Variants in CHSY3 observed in about 807,000 individuals in gnomAD.
CHSY3 encodes N-acetylgalactosaminyl-proteoglycan 3-beta-glucuronosyltransferase 3.
In CHSY3, 35 loss-of-function variants were observed where a neutral mutation model predicts 67.2. That is an observed-to-expected ratio of 0.52 (90% CI 0.40 to 0.69). The LOEUF (loss-of-function observed/expected upper bound fraction) is 0.69. Ranked by LOEUF, CHSY3 falls within the 30% of genes least tolerant of loss-of-function variation. CHSY3 has a pLI of 0.00. For missense variants in CHSY3, 1,069 were observed against 1,138.5 expected, an observed-to-expected ratio of 0.94 and a Z score of 0.88; for synonymous variants, 474 against 434.7, an observed-to-expected ratio of 1.09 and a Z score of -1.12.
chr5:129,985,849 T>C (rs185993430), intron 2 of CHSY3, among the ~76,000 whole-genome samples: 1 of 152,282 alleles, frequency 6.6e-6, no homozygotes, highest in East Asian at 1.9e-4. Context: ...ATAGAAATGA[T>C]ACTGATTTTT....
intron 2 of CHSY3, among the ~76,000 whole-genome samples, chr5:130,088,650 T>A (rs1233522097): frequency 6.6e-6 from 1 of 151,918 alleles, no homozygotes. Flanking sequence ...ATCAAAGAAA[T>A]GCAAATCAAA....
chr5:130,172,325 C>CTT (rs148048268), intron 2 of CHSY3, among the ~76,000 whole-genome samples: 854 of 30,182 alleles, frequency 0.028, 20 homozygotes, highest in African/African-American at 0.044. Flanking sequence ...CTTTTCTTTT[C>CTT]TTTTTTTTTT....
chr5:130,184,927 CT>C lies in CHSY3; in HGVS notation c.1788del (p.Phe596LeufsTer6), dbSNP rs753299852. 2 of 1,548,910 alleles carry C rather than the reference CT, an allele frequency of 1.3e-6. No individual in the cohort carries two copies. Among genetic ancestry groups the C allele is most frequent in the Non-Finnish European group, 1.8e-6 (2 of 1,120,860 alleles). On this transcript the variant is annotated frameshift_variant, in exon 3 of 3. Transcript: ENST00000305031. LOFTEE classifies it high-confidence loss of function. ...TTAACAGTGAAACTCAGTCATTCTC[CT>C]TTATATCTAATTCTTTAAAGATATT... ...SINSETQSFSFISNSLKILSS... is the reference protein window; with the variant it reads ...SINSETQSFSXISNSLKILSS...
At chr5:130,118,339 A>G (rs1249115177) in intron 2 of CHSY3, among the ~76,000 whole-genome samples, 2 of 152,180 alleles carry the variant, frequency 1.3e-5, no homozygotes, top group Admixed American at 1.3e-4. Flanking sequence ...AAACTTAACA[A>G]AACAATCAGA....
At chr5:129,904,205 C>T (rs1042929187), upstream of CHSY3, among the ~76,000 whole-genome samples, 1 of 149,634 alleles carries the variant, frequency 6.7e-6, no homozygotes, top group African/African-American at 2.5e-5. Context: ...GAGGGGGCGT[C>T]GGCGCTGCAA....
chr5:129,980,551 C>T (rs2149621823), intron 2 of CHSY3, among the ~76,000 whole-genome samples: 1 of 152,246 alleles, frequency 6.6e-6, no homozygotes, highest in African/African-American at 2.4e-5. Flanking sequence ...CAAATATTTT[C>T]TCCCAGTATG....
At chr5:129,914,681 A>T (rs960439464) in intron 2 of CHSY3, among the ~76,000 whole-genome samples, 2 of 152,108 alleles carry the variant, frequency 1.3e-5, no homozygotes, top group Non-Finnish European at 2.9e-5. Context: ...TTTCTTCCAC[A>T]CTGTTTTCTT....
chr5:129,963,639 G>A (rs1762394585), intron 2 of CHSY3, among the ~76,000 whole-genome samples: 1 of 151,944 alleles, frequency 6.6e-6, no homozygotes, highest in Non-Finnish European at 1.5e-5. Context: ...ACAAAGCCCA[G>A]AGCTGCACTT....
At chr5:130,012,739 T>A (rs1380844183) in intron 2 of CHSY3, among the ~76,000 whole-genome samples, 3 of 152,100 alleles carry the variant, frequency 2.0e-5, no homozygotes, top group Admixed American at 2.0e-4. Context: ...ATGGGAACTG[T>A]AATTCAAGAT....
At chr5:130,154,357 T>G (rs1769314279) in intron 2 of CHSY3, among the ~76,000 whole-genome samples, 1 of 152,256 alleles carries the variant, frequency 6.6e-6, no homozygotes, top group Non-Finnish European at 1.5e-5. Flanking sequence ...CTCTGGAGTA[T>G]TAGAATGTGT....
chr5:129,905,574 C>T lies in CHSY3; in HGVS notation c.745C>T (p.His249Tyr). The change falls in exon 1 of 3, where the codon CAC (histidine) becomes TAC (tyrosine). Residue 249 changes from histidine to tyrosine, a missense_variant. By Grantham distance (83) the His-to-Tyr change is moderately conservative (BLOSUM62 2). Around this residue, in one of 5 missense-constraint regions of CHSY3, gnomAD observed 216 missense variants for 311.5 expected, o/e 0.69. Transcript: ENST00000305031. The part of the protein sequence containing the change: ...SFMMIKYMHD[H>Y]YLDKYEWFMR... Reference sequence around the variant, plus strand: ...CATGATGATCAAGTACATGCACGACCACTACCTGGACAAGTATGAGTGGTT... The same window carrying T: ...CATGATGATCAAGTACATGCACGACTACTACCTGGACAAGTATGAGTGGTT... 6.2e-7 allele frequency: 1 copy of T among 1,613,830 alleles called. No individual in the cohort carries two copies. Among genetic ancestry groups the T allele is most frequent in the Non-Finnish European group, 8.5e-7 (1 of 1,180,030 alleles).
intron 2 of CHSY3, among the ~76,000 whole-genome samples, chr5:130,057,099 T>C (rs966197064): frequency 9.9e-5 from 15 of 151,776 alleles, no homozygotes; most frequent in Admixed American, 6.6e-4. Context: ...AATTTTTTTG[T>C]ATTTTTAGTA....
intron 2 of CHSY3, among the ~76,000 whole-genome samples, chr5:129,971,551 C>G (rs1762640424): frequency 6.6e-6 from 1 of 151,874 alleles, no homozygotes; most frequent in Non-Finnish European, 1.5e-5. Flanking sequence ...TTCACAGCAA[C>G]TCTGTAAGTT....
chr5:130,083,400 C>T (rs1011442500), intron 2 of CHSY3, among the ~76,000 whole-genome samples: 2 of 151,992 alleles, frequency 1.3e-5, no homozygotes, highest in Non-Finnish European at 2.9e-5. Context: ...TCTGTGTTAG[C>T]ATTTTATGGA....
At chr5:129,977,919 A>G (rs567444121) in intron 2 of CHSY3, among the ~76,000 whole-genome samples, 2 of 152,226 alleles carry the variant, frequency 1.3e-5, no homozygotes, top group East Asian at 3.9e-4. Flanking sequence ...CAACAAAAAT[A>G]AATCATAGAT....
At chr5:130,168,686 A>G (rs1369929588) in intron 2 of CHSY3, among the ~76,000 whole-genome samples, 1 of 152,050 alleles carries the variant, frequency 6.6e-6, no homozygotes, top group African/African-American at 2.4e-5. Flanking sequence ...GAGGGCATAT[A>G]TTACTTTATT....
At chr5:129,940,937 C>T (rs112307254) in intron 2 of CHSY3, among the ~76,000 whole-genome samples, 1 of 152,178 alleles carries the variant, frequency 6.6e-6, no homozygotes, top group African/African-American at 2.4e-5. Context: ...CTATGATGTT[C>T]AGTAGGCACG....
At chr5:130,064,458 G>A (rs915466726) in intron 2 of CHSY3, among the ~76,000 whole-genome samples, 15 of 152,044 alleles carry the variant, frequency 9.9e-5, no homozygotes, top group Admixed American at 5.9e-4. Flanking sequence ...TTTTGTGTTC[G>A]GTTAAGGAAG....
chr5:130,120,766 AAG>A (rs201808496), intron 2 of CHSY3, among the ~76,000 whole-genome samples: 4 of 152,032 alleles, frequency 2.6e-5, no homozygotes, highest in Non-Finnish European at 5.9e-5. Context: ...AAAAACAAAA[AAG>A]AGAGAGAGAG....
Sources: gnomAD v4.1 joint callset for allele counts (sites outside exome capture counted in the v4.1 genomes callset) on GRCh38, gnomAD v4.1.1 for gene constraint, gnomAD v4.1.1 regional missense constraint, MANE v1.5 for transcripts, NCBI Gene and HGNC (gene_info 2026-07-23, HGNC 2026-07-21) for gene names.